The following TLE1 variants were observed in gnomAD, a reference collection of about 807,000 sequenced individuals.
TLE1 encodes transducin-like enhancer protein 1.
In TLE1, 21 loss-of-function variants were observed where a neutral mutation model predicts 89.8. That is an observed-to-expected ratio of 0.23 (90% CI 0.17 to 0.34). The LOEUF is 0.34. Among genes scored for constraint, TLE1 ranks in the 10% least tolerant of loss-of-function variants. TLE1 has a pLI of 1.00. For missense variants in TLE1, 795 were observed against 1,031.2 expected (o/e 0.77, Z 3.14); for synonymous variants, 447 against 407.6 (o/e 1.10, Z -1.16).
chr9:81,591,434 C>T (rs1394388478), intron 15 of TLE1, among the ~76,000 whole-genome samples: 1 of 152,198 alleles, frequency 6.6e-6, no homozygotes, highest in Non-Finnish European at 1.5e-5. Context: ...TTTCGGTCTT[C>T]GTTATGCTGA....
chr9:81,650,858 T>C (rs1829447947), intron 6 of TLE1, among the ~76,000 whole-genome samples: 1 of 152,128 alleles, frequency 6.6e-6, no homozygotes, highest in Non-Finnish European at 1.5e-5. Context: ...GAAAAAGCTA[T>C]TAAAAGGAAA....
chr9:81,668,653 T>A (rs780810750), intron 4 of TLE1, among the ~76,000 whole-genome samples: 7 of 152,098 alleles, frequency 4.6e-5, no homozygotes, highest in Non-Finnish European at 8.8e-5. Context: ...TGGGACAGAA[T>A]CTATTCAGAG....
intron 4 of TLE1, among the ~76,000 whole-genome samples, chr9:81,662,361 TTGTGTGTGTGTGTGTGTG>T (rs371936084): frequency 1.1e-4 from 15 of 138,470 alleles, no homozygotes; most frequent in South Asian, 4.7e-4. Context: ...TGTGCCTGTT[TTGTGTGTGTGTGTGTGTG>T]TGTGTGTGTG....
intron 8 of TLE1, 28 bp downstream of exon 8, chr9:81,633,309 GTGTGTGTGTGT>G (rs755351070): frequency 1.2e-6 from 2 of 1,608,884 alleles, no homozygotes; most frequent in Admixed American, 1.7e-5. Flanking sequence ...GTGTGTGTGT[GTGTGTGTGTGT>G]GTGTGCAGCA....
intron 6 of TLE1, among the ~76,000 whole-genome samples, chr9:81,639,874 A>G (rs528322883): frequency 6.6e-6 from 1 of 152,246 alleles, no homozygotes; most frequent in East Asian, 1.9e-4. Flanking sequence ...GGCATGAACC[A>G]CCGCGCCCAG....
intron 12 of TLE1, chr9:81,612,313 A>AT: frequency 9.6e-7 from 1 of 1,041,654 alleles, no homozygotes; most frequent in African/African-American, 1.7e-5. Flanking sequence ...TCAAAAGAAG[A>AT]TTTTCTCGAT....
intron 14 of TLE1, chr9:81,600,071 TAC>T (rs1420253183): frequency 6.8e-6 from 5 of 736,596 alleles, no homozygotes; most frequent in South Asian, 2.9e-5. Context: ...CTCTATCAAT[TAC>T]ACGTTTCCAA....
intron 4 of TLE1, among the ~76,000 whole-genome samples, chr9:81,663,535 A>G (rs1831080013): frequency 1.3e-5 from 2 of 152,110 alleles, no homozygotes; most frequent in African/African-American, 4.8e-5. Context: ...TCAGCCAACA[A>G]AGGGACTACA....
At position 81,613,524 on chromosome 9, in the gene TLE1, G is replaced by A; in HGVS notation, c.919-3C>T. On this transcript the variant is annotated splice_region_variant and splice_polypyrimidine_tract_variant and intron_variant, in intron 11 of 19. Transcript: ENST00000376499. ...ACAGGCGTGCTGGCTTTTTCATGCT[G>A]GTGTCATTAAACAAATTAAATGAGT... The A allele has an allele frequency of 6.2e-7, 1 of 1,613,800 alleles. No individual in the cohort carries two copies. Among genetic ancestry groups the A allele is most frequent in the Non-Finnish European group, 8.5e-7 (1 of 1,179,956 alleles).
intron 14 of TLE1, among the ~76,000 whole-genome samples, chr9:81,609,184 A>G (rs1406809363): frequency 6.6e-6 from 1 of 151,898 alleles, no homozygotes; most frequent in African/African-American, 2.4e-5. Flanking sequence ...ACCCAGGTTC[A>G]AGCGATTCTC....
intron 6 of TLE1, among the ~76,000 whole-genome samples, chr9:81,640,713 T>A (rs1263736371): frequency 2.6e-5 from 4 of 152,212 alleles, no homozygotes; most frequent in African/African-American, 9.7e-5. Context: ...GTCAATTATA[T>A]TACTATAATG....
chr9:81,625,606 G>T (rs889055632), intron 8 of TLE1, among the ~76,000 whole-genome samples: 1 of 152,082 alleles, frequency 6.6e-6, no homozygotes, highest in Non-Finnish European at 1.5e-5. Context: ...ATACCTTCAT[G>T]TAAGAACTTA....
intron 6 of TLE1, among the ~76,000 whole-genome samples, chr9:81,650,431 ATATGT>A (rs936602373): frequency 1.3e-5 from 2 of 152,214 alleles, no homozygotes; most frequent in Non-Finnish European, 2.9e-5. Flanking sequence ...ACTGCTTTGC[ATATGT>A]TTTCTTTTAA....
At chr9:81,611,302 T>C (rs1823675489) in intron 13 of TLE1, among the ~76,000 whole-genome samples, 1 of 152,174 alleles carries the variant, frequency 6.6e-6, no homozygotes, top group South Asian at 2.1e-4. Context: ...AGTCATGCTA[T>C]TGGGTTTAAA....
intron 14 of TLE1, chr9:81,600,233 C>T: frequency 3.3e-6 from 2 of 613,640 alleles, no homozygotes. Flanking sequence ...GGAACTATCA[C>T]TACAGACAAA....
chr9:81,590,659 TG>T, intron 16 of TLE1, 145 bp downstream of exon 16: 1 of 1,396,704 alleles, frequency 7.2e-7, no homozygotes. Flanking sequence ...GCAACACAGT[TG>T]TCTTTGTTCC....
chr9:81,602,473 T>C (rs1268337544), intron 14 of TLE1, among the ~76,000 whole-genome samples: 4 of 152,180 alleles, frequency 2.6e-5, no homozygotes, highest in Non-Finnish European at 5.9e-5. Context: ...ACAGACCTTA[T>C]GCACTTAGCC....
chr9:81,591,943 G>A (rs887707361), intron 15 of TLE1, among the ~76,000 whole-genome samples: 2 of 152,168 alleles, frequency 1.3e-5, no homozygotes, highest in African/African-American at 2.4e-5. Flanking sequence ...GTGGGTACGT[G>A]GCACCATCTG....
intron 6 of TLE1, among the ~76,000 whole-genome samples, chr9:81,644,471 C>A (rs1223805030): frequency 6.6e-6 from 1 of 152,120 alleles, no homozygotes; most frequent in African/African-American, 2.4e-5. Flanking sequence ...TACAAGGCTA[C>A]ATATTATATG....
Sources: allele counts gnomAD v4.1 joint callset (sites outside exome capture counted in the v4.1 genomes callset), GRCh38; gene constraint gnomAD v4.1.1; transcripts MANE v1.5; gene names NCBI Gene and HGNC (gene_info 2026-07-23, HGNC 2026-07-21).